STOX2: variants seen among roughly 807,000 people sequenced by gnomAD.
STOX2 encodes storkhead-box protein 2.
Under a neutral mutation model 60.9 loss-of-function variants are expected in STOX2, and 28 were observed. That is an observed-to-expected ratio of 0.46 (90% confidence interval 0.34 to 0.63). STOX2 has a LOEUF of 0.63. STOX2 is among the 30% of genes least tolerant of loss of function. The pLI is 0.01. For synonymous variants in STOX2, 472 were observed against 463.9 expected (o/e 1.02, Z -0.22); for missense variants, 1,024 against 1,187.7 (o/e 0.86, Z 2.03).
At chr4:183,948,081 G>A (rs1437481222) in intron 1 of STOX2, among the ~76,000 whole-genome samples, 1 of 151,934 alleles carries the variant, frequency 6.6e-6, no homozygotes, top group Admixed American at 6.6e-5. Context: ...AGCTGGTCGT[G>A]GTGGCTCACG....
chr4:183,869,785 T>G (rs1740646172), intron 1 of STOX2, among the ~76,000 whole-genome samples: 1 of 152,244 alleles, frequency 6.6e-6, no homozygotes, highest in Non-Finnish European at 1.5e-5. Flanking sequence ...GAGACCATTC[T>G]TTGGAAGTTC....
At chr4:183,936,302 C>G (rs1742588730) in intron 1 of STOX2, among the ~76,000 whole-genome samples, 2 of 152,198 alleles carry the variant, frequency 1.3e-5, no homozygotes, top group East Asian at 3.8e-4. Flanking sequence ...CCTAGCCTAG[C>G]CCACCTGACT....
intron 1 of STOX2, among the ~76,000 whole-genome samples, chr4:183,956,283 A>G (rs1443358879): frequency 6.6e-6 from 1 of 152,222 alleles, no homozygotes; most frequent in Non-Finnish European, 1.5e-5. Context: ...TTGTGACAGA[A>G]AAGTTACAAA....
At chr4:183,953,604 C>T (rs1006917893) in intron 1 of STOX2, among the ~76,000 whole-genome samples, 11 of 130,360 alleles carry the variant, frequency 8.4e-5, no homozygotes, top group Non-Finnish European at 1.4e-4. Flanking sequence ...CTGGCTTAAT[C>T]GCCCAGCCTG....
rs1185016404 is a variant in STOX2, at chr4:183,806,826, G to A, written c.364+8771G>A. Among the ~76,000 whole-genome samples, 1 of 151,992 alleles carries A rather than the reference G, an allele frequency of 6.6e-6. No homozygotes were observed. Among genetic ancestry groups the A allele is most frequent in the Non-Finnish European group, 1.5e-5 (1 of 68,032 alleles). ...ACATTTATGTGTTCGTGTTCAGGAC[G>A]GTAGGGCCCAGGACATGCCCTTGTA... On this transcript the variant is annotated intron_variant, in intron 1 of 2. Transcript: ENST00000513034. The surrounding 1 kb of genome is among the most constrained non-coding windows in gnomAD (Gnocchi z 4.1).
intron 1 of STOX2, among the ~76,000 whole-genome samples, chr4:183,838,197 A>C (rs894803226): frequency 2.0e-5 from 3 of 150,550 alleles, no homozygotes; most frequent in African/African-American, 7.3e-5. Context: ...ATATTTAAAT[A>C]ATTCAATACA....
chr4:183,991,432 ATT>A (rs11388760), intron 1 of STOX2, among the ~76,000 whole-genome samples: 9 of 146,790 alleles, frequency 6.1e-5, no homozygotes, highest in Non-Finnish European at 9.0e-5. Context: ...TTGAGGAAGA[ATT>A]TTTTTTTTTT....
Position 183,926,343 on chromosome 4 carries a change from G to A in STOX2, c.166+19387G>A, listed in dbSNP as rs906188286. ...CCAAGAAGAAATAAGTAAGAAACAC[G>A]TCATTTTCCCCAAAGAATATTTTAG... On this transcript the variant is annotated intron_variant, in intron 1 of 3. Coordinates refer to ENST00000308497, the MANE Select transcript of STOX2 (RefSeq NM_020225.3). Among the ~76,000 whole-genome samples, 5 of 152,012 alleles carry A rather than the reference G, an allele frequency of 3.3e-5. No homozygotes were observed. In the East Asian group the frequency reaches 5.8e-4, roughly 18 times the overall value.
At chr4:183,977,068 A>G (rs148468972) in intron 1 of STOX2, among the ~76,000 whole-genome samples, 2,112 of 152,304 alleles carry the variant, frequency 0.014, 21 homozygotes, top group Non-Finnish European at 0.021. Flanking sequence ...TAGGGATGTC[A>G]GTGTAGTTGT....
rs140985629 is a variant in STOX2 at position 183,997,134 on chromosome 4, T to C, written c.167-4191T>C. Among the ~76,000 whole-genome samples the C allele has an allele frequency of 5.3e-3, 809 of 152,238 alleles. 8 individuals are homozygous for C. The highest frequency in any genetic ancestry group is 0.018 in the African/African-American group (731 of 41,538). On this transcript the variant is annotated intron_variant, in intron 1 of 3. Coordinates refer to ENST00000308497, the MANE Select transcript of STOX2 (RefSeq NM_020225.3). ...AGTGAACCAAACGCACATGCACACA[T>C]GCAGGGAGAGAAGACAGTAAACTCG...
At chr4:183,950,628 G>A (rs192572080) in intron 1 of STOX2, among the ~76,000 whole-genome samples, 2 of 152,198 alleles carry the variant, frequency 1.3e-5, no homozygotes, top group Non-Finnish European at 2.9e-5. Flanking sequence ...TGTACCGAGG[G>A]GCTGGAATGA....
At chr4:183,979,251 C>T (rs1022248528) in intron 1 of STOX2, among the ~76,000 whole-genome samples, 1 of 152,154 alleles carries the variant, frequency 6.6e-6, no homozygotes, top group African/African-American at 2.4e-5. Flanking sequence ...GTGCTACACA[C>T]TGTTAAACAA....
At chr4:183,955,377 T>TA (rs576952298) in intron 1 of STOX2, among the ~76,000 whole-genome samples, 1 of 152,238 alleles carries the variant, frequency 6.6e-6, no homozygotes, top group African/African-American at 2.4e-5. Flanking sequence ...GCATAGATTT[T>TA]AAAAAATAGC....
chr4:183,834,958 T>C (rs539126324), intron 1 of STOX2, among the ~76,000 whole-genome samples: 1 of 152,188 alleles, frequency 6.6e-6, no homozygotes, highest in African/African-American at 2.4e-5. Context: ...TTTCCGATGT[T>C]GGGGCTGGGG....
intron 1 of STOX2, among the ~76,000 whole-genome samples, chr4:183,811,325 G>A (rs6552707): frequency 0.27 from 41,318 of 152,104 alleles, 6,615 homozygotes; most frequent in African/African-American, 0.45. Flanking sequence ...AAAGCAGAAA[G>A]GTGAGAAATG....
chr4:183,984,007 C>A (rs1450363533), intron 1 of STOX2, among the ~76,000 whole-genome samples: 2 of 152,186 alleles, frequency 1.3e-5, no homozygotes, highest in Non-Finnish European at 2.9e-5. Context: ...GTAATGAACC[C>A]TCAGCCCCAG....
chr4:183,874,971 A>G (rs1204353291), intron 1 of STOX2, among the ~76,000 whole-genome samples: 22 of 106,554 alleles, frequency 2.1e-4, no homozygotes, highest in Non-Finnish European at 3.1e-4. Context: ...ATATATATAT[A>G]TATATATATA....
rs187489600 is a variant in STOX2 at position 183,958,278 on chromosome 4, A to G, written c.167-43047A>G. ...CCTGAGCTTTTCAGTGGACGGAGCT[A>G]GGAGAAATATACATATAAAATCAGG... On this transcript the variant is annotated intron_variant, in intron 1 of 3. Coordinates refer to ENST00000308497, the MANE Select transcript of STOX2 (RefSeq NM_020225.3). Among the ~76,000 whole-genome samples, 346 of 152,284 alleles carry G rather than the reference A, an allele frequency of 2.3e-3. 3 individuals are homozygous for G. Among genetic ancestry groups the G allele is most frequent in the Middle Eastern group, 0.01 (3 of 294 alleles).
At chr4:183,999,638 G>T (rs1733500331) in intron 1 of STOX2, among the ~76,000 whole-genome samples, 2 of 152,188 alleles carry the variant, frequency 1.3e-5, no homozygotes, top group Non-Finnish European at 2.9e-5. Flanking sequence ...TTGGGCACTG[G>T]AGTCCTGCTG....
Sources: gnomAD v4.1 joint callset for allele counts (sites outside exome capture counted in the v4.1 genomes callset) on GRCh38, gnomAD v4.1.1 for gene constraint, Gnocchi (gnomAD v3.1) non-coding constraint, MANE v1.5 for transcripts, NCBI Gene and HGNC (gene_info 2026-07-23, HGNC 2026-07-21) for gene names.